Variants in KLHL29 observed in about 807,000 individuals in gnomAD.
The protein encoded by KLHL29 is kelch-like protein 29.
Under a neutral mutation model 80.4 loss-of-function variants are expected in KLHL29, and 21 were observed. The ratio of observed to expected loss-of-function variants is 0.26; its 90% CI spans 0.19 to 0.38. The LOEUF (loss-of-function observed/expected upper bound fraction) is 0.38. Ranked by LOEUF, KLHL29 falls within the 10% of genes least tolerant of loss-of-function variation. The pLI is 1.00. For missense variants in KLHL29, 867 were observed against 1,223.9 expected, an observed-to-expected ratio of 0.71 and a Z score of 4.35; for synonymous variants, 511 against 526.8, an observed-to-expected ratio of 0.97 and a Z score of 0.41.
intron 5 of KLHL29, among the ~76,000 whole-genome samples, chr2:23,671,692 C>T (rs1457121071): frequency 1.3e-5 from 2 of 152,160 alleles, no homozygotes; most frequent in Non-Finnish European, 2.9e-5. Flanking sequence ...CCACCCAGCT[C>T]CCTAGGACCC....
intron 5 of KLHL29, among the ~76,000 whole-genome samples, chr2:23,659,550 C>T (rs576518296): frequency 2.2e-4 from 34 of 152,230 alleles, no homozygotes; most frequent in East Asian, 3.9e-4. Context: ...TTGGCAGGTG[C>T]GTGTCCAGCG....
At chr2:23,426,883 C>T (rs1401357407) in intron 1 of KLHL29, among the ~76,000 whole-genome samples, 1 of 152,196 alleles carries the variant, frequency 6.6e-6, no homozygotes, top group African/African-American at 2.4e-5. Context: ...ACACATGACG[C>T]ACCCTGAAAT....
intron 3 of KLHL29, among the ~76,000 whole-genome samples, chr2:23,619,047 G>T (rs1374488197): frequency 6.6e-6 from 1 of 152,222 alleles, no homozygotes; most frequent in Non-Finnish European, 1.5e-5. Context: ...ACAGATACAG[G>T]CCTGGCAGCC....
At position 23,596,311 on chromosome 2, in the gene KLHL29, G is replaced by T. The variant is rs927964663; in HGVS notation, c.285+33830G>T. On this transcript the variant is annotated intron_variant, in intron 3 of 13. Coordinates refer to ENST00000486442, the MANE Select transcript of KLHL29 (RefSeq NM_052920.2). This position sits in a 1 kb window ranked among gnomAD's most constrained non-coding sequence, Gnocchi z 4.4. ...ATTTAAATCATGCCCACCTCATTTT[G>T]CAAGGGTTTTCTTGAGTTCTCCTCC... 6.6e-6 allele frequency among the ~76,000 whole-genome samples: 1 copy of T among 152,160 alleles called. No individual in the cohort carries two copies. Among genetic ancestry groups the T allele is most frequent in the Admixed American group, 6.5e-5 (1 of 15,278 alleles).
chr2:23,537,895 A>G (rs1285364600), intron 2 of KLHL29, among the ~76,000 whole-genome samples: 2 of 152,196 alleles, frequency 1.3e-5, no homozygotes, highest in African/African-American at 4.8e-5. Context: ...GGCAGGATTC[A>G]TGCCACAGCC....
intron 6 of KLHL29, among the ~76,000 whole-genome samples, chr2:23,685,985 G>A (rs1350284495): frequency 1.3e-5 from 2 of 152,236 alleles, no homozygotes; most frequent in Non-Finnish European, 2.9e-5. Context: ...GAGGAGCACA[G>A]GGCCCTCGGA....
intron 3 of KLHL29, among the ~76,000 whole-genome samples, chr2:23,599,426 A>G (rs931123558): frequency 2.6e-5 from 4 of 152,256 alleles, no homozygotes; most frequent in Non-Finnish European, 1.5e-5. Context: ...ATTTTCAACT[A>G]TCATTGACTC....
At chr2:23,692,832 G>A (rs1253532363) in intron 7 of KLHL29, among the ~76,000 whole-genome samples, 1 of 152,166 alleles carries the variant, frequency 6.6e-6, no homozygotes, top group East Asian at 1.9e-4. Context: ...GAAGCTGGGA[G>A]GTGTGTGAGG....
At chr2:23,595,113 G>T (rs901973322) in intron 3 of KLHL29, among the ~76,000 whole-genome samples, 4 of 152,132 alleles carry the variant, frequency 2.6e-5, no homozygotes, top group African/African-American at 9.7e-5. Flanking sequence ...ATTTCTGGAG[G>T]ATCACTTTTC....
intron 4 of KLHL29, among the ~76,000 whole-genome samples, chr2:23,639,843 C>T (rs78822935): frequency 6.6e-6 from 1 of 152,106 alleles, no homozygotes; most frequent in Non-Finnish European, 1.5e-5. Flanking sequence ...GTCAGGAGAC[C>T]CCCTTCATCC....
In KLHL29 at chr2:23,596,401, T is replaced by G. The variant is rs373505631; in HGVS notation, c.285+33920T>G. 6.6e-6 allele frequency among the ~76,000 whole-genome samples: 1 copy of G among 152,196 alleles called. No homozygotes were observed. Among genetic ancestry groups the G allele is most frequent in the South Asian group, 2.1e-4 (1 of 4,814 alleles). ...CCGAGCAGAGGTCTTGGTGTCCTGG[T>G]GGCTGCATCCCAGGGGAGAGGAAGG... On this transcript the variant is annotated intron_variant, in intron 3 of 13. Transcript: ENST00000486442. This position sits in a 1 kb window ranked among gnomAD's most constrained non-coding sequence, Gnocchi z 4.4.
At chr2:23,403,726 AGTGTGTGTGTGTGTGTGT>A (rs36116395) in intron 1 of KLHL29, among the ~76,000 whole-genome samples, 1 of 144,012 alleles carries the variant, frequency 6.9e-6, no homozygotes, top group African/African-American at 2.7e-5. Context: ...AGAGAGAGAG[AGTGTGTGTGTGTGTGTGT>A]GTGTGTGTGT....
chr2:23,633,755 TC>T (rs869287348), intron 3 of KLHL29, among the ~76,000 whole-genome samples: 1 of 27,852 alleles, frequency 3.6e-5, no homozygotes, highest in African/African-American at 2.4e-4. Flanking sequence ...GTCACAGCAC[TC>T]GTGTGTGTGT....
At chr2:23,526,736 C>T (rs1572379124) in intron 2 of KLHL29, among the ~76,000 whole-genome samples, 1 of 152,130 alleles carries the variant, frequency 6.6e-6, no homozygotes, top group East Asian at 1.9e-4. Context: ...CTCCGTGGCT[C>T]CCAAGAGCCC....
At chr2:23,611,430 C>A (rs1026737432) in intron 3 of KLHL29, among the ~76,000 whole-genome samples, 5 of 152,124 alleles carry the variant, frequency 3.3e-5, no homozygotes, top group African/African-American at 1.2e-4. Context: ...CACACTGGGC[C>A]CTCTGAGGAG....
At chr2:23,437,491 G>A (rs560493434) in intron 1 of KLHL29, among the ~76,000 whole-genome samples, 4 of 152,200 alleles carry the variant, frequency 2.6e-5, no homozygotes, top group Non-Finnish European at 5.9e-5. Flanking sequence ...GTAGACAACA[G>A]GTTCTGCTAT....
rs531078077 is a variant in KLHL29 at position 23,602,224 on chromosome 2, G to A, written c.286-36915G>A. Among the ~76,000 whole-genome samples the A allele has an allele frequency of 5.3e-5, 8 of 152,308 alleles. No homozygotes were observed. The South Asian group carries it at 1.5e-3, about 28-fold the overall frequency. On this transcript the variant is annotated intron_variant, in intron 3 of 13. Coordinates refer to ENST00000486442, the MANE Select transcript of KLHL29 (RefSeq NM_052920.2). ...AGAGACAGCCCGTGCCCGTCGGCAA[G>A]ACATGACGTCGTTCCTGTGCCTCCC...
At chr2:23,540,196 C>T (rs1666791679) in intron 2 of KLHL29, among the ~76,000 whole-genome samples, 1 of 152,246 alleles carries the variant, frequency 6.6e-6, no homozygotes, top group East Asian at 1.9e-4. Flanking sequence ...GCCCAGCCCC[C>T]CAGAAGTGGT....
intron 3 of KLHL29, among the ~76,000 whole-genome samples, chr2:23,636,820 G>A (rs1187955240): frequency 6.6e-6 from 1 of 152,174 alleles, no homozygotes; most frequent in Non-Finnish European, 1.5e-5. Flanking sequence ...GGTGACCGTT[G>A]GAACTCCTGA....
Sources: allele counts gnomAD v4.1 joint callset (sites outside exome capture counted in the v4.1 genomes callset), GRCh38; gene constraint gnomAD v4.1.1; non-coding constraint Gnocchi (gnomAD v3.1); transcripts MANE v1.5; gene names NCBI Gene and HGNC (gene_info 2026-07-23, HGNC 2026-07-21).